Variants in RASA3 observed in about 807,000 individuals in gnomAD.
RASA3 encodes the protein ras GTPase-activating protein 3.
In RASA3, 73 loss-of-function variants were observed where a neutral mutation model predicts 110.0. The observed-to-expected ratio is 0.66, with a 90% CI of 0.55 to 0.81. The LOEUF (loss-of-function observed/expected upper bound fraction) is 0.81, where lower values mean the gene tolerates loss of function less well. Ranked by LOEUF, RASA3 falls within the 30% of genes least tolerant of loss-of-function variation. The pLI, the probability that RASA3 is intolerant of heterozygous loss-of-function variation, is 0.00. For synonymous variants in RASA3, 500 were observed against 451.4 expected, an observed-to-expected ratio of 1.11 and a Z score of -1.37; for missense variants, 976 against 1,113.2, an observed-to-expected ratio of 0.88 and a Z score of 1.75.
At chr13:114,121,508 C>G (rs1313705834) in intron 1 of RASA3, among the ~76,000 whole-genome samples, 1 of 152,224 alleles carries the variant, frequency 6.6e-6, no homozygotes, top group African/African-American at 2.4e-5. Context: ...CCGTGCAACC[C>G]TGCCCCAAAC....
chr13:114,000,480 G>A (rs1435797344), intron 19 of RASA3, among the ~76,000 whole-genome samples: 3 of 152,300 alleles, frequency 2.0e-5, no homozygotes, highest in East Asian at 1.9e-4. Flanking sequence ...AGGAGGTGGT[G>A]GGAAGCCCCG....
intron 22 of RASA3, among the ~76,000 whole-genome samples, chr13:113,989,376 CATCA>C (rs2053050105): frequency 6.7e-6 from 1 of 148,356 alleles, no homozygotes; most frequent in Non-Finnish European, 1.5e-5. Flanking sequence ...TCCATCCACC[CATCA>C]CTCACCCATC....
chr13:114,024,462 C>T, intron 7 of RASA3, 107 bp from the exon 8 acceptor site: 1 of 943,144 alleles, frequency 1.1e-6, no homozygotes, highest in Non-Finnish European at 1.7e-6. Context: ...ACCCACACAC[C>T]ACTCAAGGGC....
chr13:114,013,489 GTCTC>G lies in RASA3; in HGVS notation c.1406-245_1406-242del, dbSNP rs142638282. On this transcript the variant is annotated intron_variant, in intron 14 of 23. Coordinates refer to ENST00000334062, the MANE Select transcript of RASA3 (RefSeq NM_007368.4). ...TCTCCCTGTCTCTCTCCGTATCTCT[GTCTC>G]TCTCTCTCTCCCTCTATTTGTCTCT... 4.7e-4 allele frequency among the ~76,000 whole-genome samples: 61 copies of G among 130,798 alleles called. 1 individual carries two copies. The highest frequency in any genetic ancestry group is 4.5e-3 in the Middle Eastern group (1 of 222). 85.8% of individuals were successfully genotyped at this position (130,798 alleles called of 152,430 possible).
At chr13:114,108,277 GT>G (rs1566579426) in intron 1 of RASA3, among the ~76,000 whole-genome samples, 1 of 30,128 alleles carries the variant, frequency 3.3e-5, no homozygotes, top group Non-Finnish European at 7.9e-5. Flanking sequence ...CCCCGTGTCT[GT>G]CATCCCCGTC....
intron 2 of RASA3, among the ~76,000 whole-genome samples, chr13:114,062,729 C>T (rs1370071313): frequency 1.3e-5 from 2 of 152,236 alleles, no homozygotes; most frequent in African/African-American, 4.8e-5. Flanking sequence ...CAGACTCAGA[C>T]ATGCGTGCTC....
chr13:114,066,922 T>TGGGCCCAACCTGGGCTGAGGAC (rs2079462133), intron 2 of RASA3, among the ~76,000 whole-genome samples: 1 of 135,976 alleles, frequency 7.4e-6, no homozygotes, highest in Non-Finnish European at 1.6e-5. Context: ...GGGCTGAGGA[T>TGGGCCCAACCTGGGCTGAGGAC]GGGCCCAACC....
At chr13:114,071,886 G>A (rs1283799301) in intron 2 of RASA3, among the ~76,000 whole-genome samples, 1 of 152,202 alleles carries the variant, frequency 6.6e-6, no homozygotes, top group Non-Finnish European at 1.5e-5. Context: ...CTTGGAAGTA[G>A]CCAGATGCAA....
At chr13:114,125,913 C>T (rs1299382072) in intron 1 of RASA3, among the ~76,000 whole-genome samples, 5 of 142,422 alleles carry the variant, frequency 3.5e-5, no homozygotes, top group African/African-American at 1.1e-4. Flanking sequence ...TGCCCAACCT[C>T]GCACCCTCCA....
Position 114,067,028 on chromosome 13 carries a change from T to C in RASA3, c.173+6692A>G, listed in dbSNP as rs78237431. On this transcript the variant is annotated intron_variant, in intron 2 of 23. Transcript: ENST00000334062. ...CAACCTGGGCTGAGGACGGGCCCCC[T>C]GACCTGGGCTGAGGACTGGCCCCCT... Among the ~76,000 whole-genome samples the C allele has an allele frequency of 7.6e-3, 963 of 127,120 alleles. 36 individuals are homozygous for C. The East Asian group carries it at 0.13, about 17-fold the overall frequency. 83.4% of individuals were successfully genotyped at this position (127,120 alleles called of 152,430 possible).
At chr13:114,030,092 A>G (rs114782972) in intron 4 of RASA3, among the ~76,000 whole-genome samples, 3,744 of 152,310 alleles carry the variant, frequency 0.025, 174 homozygotes, top group African/African-American at 0.085. Context: ...TGCTTGCCTG[A>G]CTGCTCAGCC....
Position 113,996,623 on chromosome 13 carries a change from G to C in RASA3, c.2049C>G (p.Leu683=). Residue 683 remains leucine (L), a synonymous_variant, in exon 21 of 24, where the codon CTC becomes CTG. Transcript: ENST00000334062. ...GGTAGGCGGACGGGTGGTAGACGGT[G>C]AGGCGCTTCTGGTTGCACTGGCTCA... ...TKVSQCNQKR[L]TVYHPSAYLS... 6.2e-7 allele frequency: 1 copy of C among 1,613,748 alleles called. No individual in the cohort carries two copies. Among genetic ancestry groups the C allele is most frequent in the Non-Finnish European group, 8.5e-7 (1 of 1,180,034 alleles).
At chr13:114,017,458 C>T (rs751899340) in intron 11 of RASA3, 107 bp from the exon 12 acceptor site, 38 of 879,210 alleles carry the variant, frequency 4.3e-5, no homozygotes, top group Middle Eastern at 2.2e-4. Flanking sequence ...GGTCAGTGCA[C>T]GCCCATCAGT....
chr13:114,036,729 G>C (rs1230743370), intron 4 of RASA3, among the ~76,000 whole-genome samples: 1 of 152,142 alleles, frequency 6.6e-6, no homozygotes, highest in Non-Finnish European at 1.5e-5. Context: ...TAGAGACGGG[G>C]TTTCACCATG....
intron 3 of RASA3, among the ~76,000 whole-genome samples, chr13:114,041,523 C>T (rs542166525): frequency 5.3e-5 from 8 of 152,276 alleles, no homozygotes; most frequent in Non-Finnish European, 1.2e-4. Context: ...GGCCAGTTCT[C>T]ACAGCAGGAG....
intron 23 of RASA3, among the ~76,000 whole-genome samples, chr13:113,980,401 C>T (rs2052902052): frequency 6.8e-6 from 1 of 148,106 alleles, no homozygotes; most frequent in Non-Finnish European, 1.5e-5. Context: ...ACGTGTGCAC[C>T]ACCTCCTCCC....
chr13:114,056,734 CAG>C lies in RASA3; in HGVS notation c.174-4581_174-4580del, dbSNP rs2079251961. On this transcript the variant is annotated intron_variant, in intron 2 of 23. Transcript: ENST00000334062. This position sits in a 1 kb window ranked among gnomAD's most constrained non-coding sequence, Gnocchi z 5.7. ...ATTCAATAAAAAGAGATAAAAATAG[CAG>C]AAAGAGGAAGCTACAAGAAAACATA... The C allele has an allele frequency of 1.1e-6, 1 of 905,804 alleles. No individual in the cohort carries two copies. Among genetic ancestry groups the C allele is most frequent in the Admixed American group, 6.2e-5 (1 of 16,154 alleles). The allele number at this position is 905,804 out of a possible 1,614,324, so 56.1% of individuals were successfully genotyped here.
intron 5 of RASA3, among the ~76,000 whole-genome samples, chr13:114,029,093 G>C (rs2054093938): frequency 4.7e-5 from 1 of 21,188 alleles, no homozygotes; most frequent in Non-Finnish European, 7.6e-5. Flanking sequence ...CATCCTGGGG[G>C]CCAGGACCTC....
intron 23 of RASA3, among the ~76,000 whole-genome samples, chr13:113,981,399 G>A (rs1361523580): frequency 6.6e-6 from 1 of 152,222 alleles, no homozygotes; most frequent in Non-Finnish European, 1.5e-5. Context: ...CAGTATAGCA[G>A]AGAGGCTGGG....
Sources: allele counts gnomAD v4.1 joint callset (sites outside exome capture counted in the v4.1 genomes callset), GRCh38; gene constraint gnomAD v4.1.1; non-coding constraint Gnocchi (gnomAD v3.1); transcripts MANE v1.5; gene names NCBI Gene and HGNC (gene_info 2026-07-23, HGNC 2026-07-21).